ITPR3: variants seen among roughly 807,000 people sequenced by gnomAD.
The protein encoded by ITPR3 is inositol 1,4,5-trisphosphate receptor type 3, also known as inositol 1,4,5-trisphosphate-gated calcium channel ITPR3.
Under a neutral mutation model 293.2 loss-of-function variants are expected in ITPR3, and 173 were observed. The observed-to-expected ratio is 0.59, with a 90% CI of 0.52 to 0.67. The LOEUF (loss-of-function observed/expected upper bound fraction) is 0.67, where lower values mean the gene tolerates loss of function less well. Among genes scored for constraint, ITPR3 ranks in the 30% least tolerant of loss-of-function variants. The probability of loss-of-function intolerance (pLI) is 0.00; values close to 1 mark genes in which losing one functional copy is unlikely to be tolerated. For synonymous variants in ITPR3, 1,295 were observed against 1,444.4 expected (o/e 0.90, Z 2.35); for missense variants, 2,796 against 3,592.1 (o/e 0.78, Z 5.66).
Position 33,691,882 on chromosome 6 carries a change from G to A in ITPR3, c.7412G>A (p.Arg2471His), listed in dbSNP as rs757654738. 2.5e-6 allele frequency: 4 copies of A among 1,614,036 alleles called. No individual in the cohort carries two copies. Among genetic ancestry groups the A allele is most frequent in the Non-Finnish European group, 1.7e-6 (2 of 1,180,042 alleles). The change falls in exon 54 of 58, where the codon CGC becomes CAC. Residue 2471 changes from arginine (R) to histidine (H), a missense_variant. By Grantham distance (29) the Arg-to-His change is conservative. Transcript: ENST00000605930. The surrounding 1 kb of genome is among the most constrained non-coding windows in gnomAD (Gnocchi z 4.9). ...CIVTVMNHGL[R>H]NGGGVGDILR... is the part of the protein sequence containing the mutation. Reference sequence around the variant, plus strand: ...GTCACTGTCATGAACCATGGGCTACGCAACGGTGGTGGCGTGGGCGACATT... The same window carrying A: ...GTCACTGTCATGAACCATGGGCTACACAACGGTGGTGGCGTGGGCGACATT...
Position 33,684,338 on chromosome 6 carries a change from G to A in ITPR3, c.4938-19G>A. On this transcript the variant is annotated intron_variant, in intron 36 of 57. Transcript: ENST00000605930. This position sits in a 1 kb window ranked among gnomAD's most constrained non-coding sequence, Gnocchi z 4.2. ...AGGCAGTGTGGGGCTGCCCTGAGCT[G>A]CCTCCTTGGCCGGCTCAGGCTGATC... is the stretch of plus-strand genomic sequence containing the variant. The A allele has an allele frequency of 6.2e-7, 1 of 1,611,494 alleles. No homozygotes were observed. Among genetic ancestry groups the A allele is most frequent in the Non-Finnish European group, 8.5e-7 (1 of 1,177,976 alleles).
At chr6:33,639,896 A>G (rs1171764028) in intron 1 of ITPR3, among the ~76,000 whole-genome samples, 1 of 152,146 alleles carries the variant, frequency 6.6e-6, no homozygotes, top group Non-Finnish European at 1.5e-5. Flanking sequence ...GGAGGAGACT[A>G]TGAAATGAGG....
Position 33,683,483 on chromosome 6 carries a change from G to C in ITPR3, c.4788+86G>C. On this transcript the variant is annotated intron_variant, in intron 35 of 57. Coordinates refer to ENST00000605930, the MANE Select transcript of ITPR3 (RefSeq NM_002224.4). The surrounding 1 kb of genome is among the most constrained non-coding windows in gnomAD (Gnocchi z 4.5). ...CTACTTTGGAGGGGCAAGTTCTCGG[G>C]GAGTGTTTCTTCCTGTCCTGCCCAC... The C allele has an allele frequency of 8.5e-7, 1 of 1,178,252 alleles. No individual in the cohort carries two copies. The highest frequency in any genetic ancestry group is 1.2e-6 in the Non-Finnish European group (1 of 858,770). The allele number at this position is 1,178,252 out of a possible 1,614,324, so 73.0% of individuals were successfully genotyped here.
intron 51 of ITPR3, 121 bp downstream of exon 51, chr6:33,690,319 G>A: frequency 9.6e-7 from 1 of 1,044,166 alleles, no homozygotes; most frequent in Middle Eastern, 3.1e-4. Flanking sequence ...GCTGGGCTGG[G>A]AGCAGTGAAA....
chr6:33,687,991 T>G lies in ITPR3; in HGVS notation c.6265-66T>G, dbSNP rs1582164272. 2.3e-6 allele frequency: 3 copies of G among 1,294,480 alleles called. No homozygotes were observed. Among genetic ancestry groups the G allele is most frequent in the Non-Finnish European group, 2.2e-6 (2 of 914,126 alleles). 80.2% of individuals were successfully genotyped at this position (1,294,480 alleles called of 1,614,324 possible). On this transcript the variant is annotated intron_variant, in intron 46 of 57. Transcript: ENST00000605930. The surrounding 1 kb of genome is among the most constrained non-coding windows in gnomAD (Gnocchi z 5.3). ...AGAGCTAGGCGAAGGCCTGGGAGGG[T>G]GGGGGCTGAGTGCCAGCCTGGATGT...
intron 16 of ITPR3, 152 bp from the exon 17 acceptor site, chr6:33,668,363 C>A: frequency 9.5e-7 from 1 of 1,049,768 alleles, no homozygotes; most frequent in Non-Finnish European, 1.4e-6. Context: ...CCTTGGGGAG[C>A]TGGGAGTCCA....
In ITPR3 at chr6:33,667,914, G is replaced by C. The variant is rs1159683909; in HGVS notation, c.1836G>C (p.Lys612Asn). ...AGCTCCTGGAAAAGCACATCACCAA[G>C]ACCGAGGTGGAGACCTTCGTCAGCC... ...NRKLLEKHIT[K>N]TEVETFVSLV... The change falls in exon 16 of 58, where the codon AAG becomes AAC. Residue 612 changes from lysine (K) to asparagine (N), a missense_variant. Physicochemically the swap from Lys to Asn is moderately conservative, Grantham distance 94. Transcript: ENST00000605930. This position sits in a 1 kb window ranked among gnomAD's most constrained non-coding sequence, Gnocchi z 4.4. 1.2e-6 allele frequency: 2 copies of C among 1,614,108 alleles called. No individual in the cohort carries two copies. The highest frequency in any genetic ancestry group is 8.5e-7 in the Non-Finnish European group (1 of 1,180,046).
chr6:33,688,408 T>TG lies in ITPR3; in HGVS notation c.6547dup (p.Glu2183GlyfsTer130), dbSNP rs780359383. On this transcript the variant is annotated frameshift_variant, in exon 48 of 58. Transcript: ENST00000605930. LOFTEE classifies it high-confidence loss of function. ...CAGTCCTCCTTCCTGCACAACGAGA[T>TG]GGAGTGGCAGCGCAAGCTCCGCAGT... 11 of 1,291,572 alleles carry TG rather than the reference T, an allele frequency of 8.5e-6. No individual in the cohort carries two copies. The highest frequency in any genetic ancestry group is 1.0e-5 in the Non-Finnish European group (10 of 989,922). 80.0% of individuals were successfully genotyped at this position (1,291,572 alleles called of 1,614,324 possible). A position where few individuals can be genotyped will look rare whatever the true frequency, so the allele number is the denominator to read the frequency against.
At chr6:33,678,332 G>C (rs1042754597) in intron 28 of ITPR3, 89 bp from the exon 29 acceptor site, 45 of 1,477,724 alleles carry the variant, frequency 3.0e-5, no homozygotes, top group South Asian at 9.7e-5. Context: ...TCCCAAGCCC[G>C]ACCCACCCCT....
intron 2 of ITPR3, among the ~76,000 whole-genome samples, chr6:33,643,627 T>C (rs1245689202): frequency 6.6e-6 from 1 of 152,122 alleles, no homozygotes; most frequent in Non-Finnish European, 1.5e-5. Flanking sequence ...CCTTTTTCCT[T>C]CTTTTCCTCC....
At chr6:33,693,883 C>T (rs1765462970) in intron 56 of ITPR3, among the ~76,000 whole-genome samples, 178 bp downstream of exon 56, 1 of 152,234 alleles carries the variant, frequency 6.6e-6, no homozygotes, top group South Asian at 2.1e-4. Context: ...GCTGCAGACA[C>T]TTGTTGAAAG....
Position 33,687,618 on chromosome 6 carries a change from AC to A in ITPR3, c.6264+55del. On this transcript the variant is annotated intron_variant, in intron 46 of 57. Transcript: ENST00000605930. This position sits in a 1 kb window ranked among gnomAD's most constrained non-coding sequence, Gnocchi z 5.3. ...GGGTGGGGCCTGGAACCCAGGGAGGACACTTGACCCAAGGGCGTGGCCTGGA... is the reference window on the plus strand; with the variant it reads ...GGGTGGGGCCTGGAACCCAGGGAGGAACTTGACCCAAGGGCGTGGCCTGGA... The A allele has an allele frequency of 2.8e-6, 4 of 1,423,232 alleles. No individual in the cohort carries two copies. The highest frequency in any genetic ancestry group is 3.9e-6 in the Non-Finnish European group (4 of 1,020,290). 88.2% of individuals were successfully genotyped at this position (1,423,232 alleles called of 1,614,324 possible).
intron 1 of ITPR3, among the ~76,000 whole-genome samples, chr6:33,640,022 T>C (rs1488980732): frequency 6.6e-6 from 1 of 152,142 alleles, no homozygotes; most frequent in Non-Finnish European, 1.5e-5. Context: ...TTGGTCTCTC[T>C]CTGCTTCTGT....
At position 33,675,974 on chromosome 6, in the gene ITPR3, G is replaced by C. The variant is rs1764897243; in HGVS notation, c.3282+118G>C. ...GGGTAACTTGGGATGCCCATTTGGGGTTTTCAGCCTTGCTGAGTTCCTAGG... is the reference window on the plus strand; with the variant it reads ...GGGTAACTTGGGATGCCCATTTGGGCTTTTCAGCCTTGCTGAGTTCCTAGG... On this transcript the variant is annotated intron_variant, in intron 25 of 57. Transcript: ENST00000605930. The surrounding 1 kb of genome is among the most constrained non-coding windows in gnomAD (Gnocchi z 5.0). 2.2e-5 allele frequency: 27 copies of C among 1,246,938 alleles called. No homozygotes were observed. The highest frequency in any genetic ancestry group is 2.9e-5 in the Non-Finnish European group (27 of 927,060). The allele number at this position is 1,246,938 out of a possible 1,614,324, so 77.2% of individuals were successfully genotyped here.
Position 33,682,770 on chromosome 6 carries a change from A to G in ITPR3, c.4597+126A>G. 1 of 1,265,676 alleles carries G rather than the reference A, an allele frequency of 7.9e-7. No homozygotes were observed. Among genetic ancestry groups the G allele is most frequent in the Non-Finnish European group, 1.0e-6 (1 of 953,640 alleles). The allele number at this position is 1,265,676 out of a possible 1,614,324, so 78.4% of individuals were successfully genotyped here. ...CATCTCCTGCTCCCAGGTGGTTGTC[A>G]GTAAGTTCTTCTTGGCGTCTGCCTC... is the stretch of plus-strand genomic sequence containing the variant. On this transcript the variant is annotated intron_variant, in intron 34 of 57. Coordinates refer to ENST00000605930, the MANE Select transcript of ITPR3 (RefSeq NM_002224.4). This position sits in a 1 kb window ranked among gnomAD's most constrained non-coding sequence, Gnocchi z 5.4.
In ITPR3 at chr6:33,695,989, A is replaced by T; in HGVS notation, c.*209A>T. ...AGTCCTGCTTAGAGCCCTTAAAAAG[A>T]CTTGAAAGTTCACTGGGACTCAGTT... On this transcript the variant is annotated 3_prime_UTR_variant, in exon 58 of 58. Transcript: ENST00000605930. The T allele has an allele frequency of 1.7e-6, 1 of 578,230 alleles. No homozygotes were observed. The highest frequency in any genetic ancestry group is 3.1e-6 in the Non-Finnish European group (1 of 323,288). 35.8% of individuals were successfully genotyped at this position (578,230 alleles called of 1,614,324 possible). A position where few individuals can be genotyped will look rare whatever the true frequency, so the allele number is the denominator to read the frequency against.
chr6:33,689,944 C>T, intron 50 of ITPR3, 90 bp from the exon 51 acceptor site: 1 of 1,499,278 alleles, frequency 6.7e-7, no homozygotes. Context: ...GCCATGCCTC[C>T]CAGGCTCTGA....
chr6:33,683,959 A>G lies in ITPR3; in HGVS notation c.4789-61A>G. The G allele has an allele frequency of 6.5e-7, 1 of 1,535,242 alleles. No homozygotes were observed. The highest frequency in any genetic ancestry group is 8.8e-7 in the Non-Finnish European group (1 of 1,140,470). On this transcript the variant is annotated intron_variant, in intron 35 of 57. Transcript: ENST00000605930. The surrounding 1 kb of genome is among the most constrained non-coding windows in gnomAD (Gnocchi z 4.5). Reference sequence around the variant, plus strand: ...GCTGTTTGGCGTTTGGGTCGGAGGAATGGCAGTCACACCCGGGTCATTTCT... The same window carrying G: ...GCTGTTTGGCGTTTGGGTCGGAGGAGTGGCAGTCACACCCGGGTCATTTCT...
intron 32 of ITPR3, 35 bp from the exon 33 acceptor site, chr6:33,680,520 G>A (rs1765044320): frequency 6.2e-7 from 1 of 1,610,922 alleles, no homozygotes; most frequent in Admixed American, 1.7e-5. Context: ...GGCCCCATGT[G>A]AGGAGCCCCC....
Sources: gnomAD v4.1 joint callset for allele counts (sites outside exome capture counted in the v4.1 genomes callset) on GRCh38, gnomAD v4.1.1 for gene constraint, Gnocchi (gnomAD v3.1) non-coding constraint, MANE v1.5 for transcripts, NCBI Gene and HGNC (gene_info 2026-07-23, HGNC 2026-07-21) for gene names.